The following EPG5 variants were observed in gnomAD, a reference collection of about 807,000 sequenced individuals.
The protein encoded by EPG5 is ectopic P-granules 5 autophagy tethering factor.
EPG5 carries 159 observed loss-of-function variants against 302.7 expected under a neutral mutation model. The ratio of observed to expected loss-of-function variants is 0.53; its 90% CI spans 0.46 to 0.60. The LOEUF (loss-of-function observed/expected upper bound fraction) is 0.60. Among genes scored for constraint, EPG5 ranks in the 20% least tolerant of loss-of-function variants. The pLI is 0.00. For missense variants in EPG5, 2,896 were observed against 3,092.4 expected, an observed-to-expected ratio of 0.94 and a Z score of 1.51; for synonymous variants, 1,158 against 1,136.8, an observed-to-expected ratio of 1.02 and a Z score of -0.37.
At chr18:45,838,017 T>C in the EPG5 span, 23 of 1,248,352 alleles carry the variant, frequency 1.8e-5, no homozygotes, top group Non-Finnish European at 2.2e-5. Context: ...GACCCAGCCC[T>C]CTCCTCTACC....
intron 43 of EPG5, chr18:45,855,367 A>T: frequency 2.0e-6 from 1 of 503,420 alleles, no homozygotes. Context: ...CTACAATGAC[A>T]GTAGCAGCGA....
Position 45,967,315 on chromosome 18 carries a change from T to C in EPG5, c.-76A>G. ...TCAAGCAACCTGCCCGGTTCTGGCC[T>C]CCGGACTGTCACATGATCGAATCTC... On this transcript the variant is annotated 5_prime_UTR_variant, in exon 1 of 44. Transcript: ENST00000282041. 1.5e-6 allele frequency: 2 copies of C among 1,374,404 alleles called. No individual in the cohort carries two copies. Among genetic ancestry groups the C allele is most frequent in the Non-Finnish European group, 1.9e-6 (2 of 1,029,022 alleles). 85.1% of individuals were successfully genotyped at this position (1,374,404 alleles called of 1,614,324 possible). A position where few individuals can be genotyped will look rare whatever the true frequency, so the allele number is the denominator to read the frequency against.
downstream of EPG5, among the ~76,000 whole-genome samples, chr18:45,845,225 G>C (rs1161597343): frequency 6.6e-6 from 1 of 152,198 alleles, no homozygotes; most frequent in African/African-American, 2.4e-5. Flanking sequence ...CTTGCATTTT[G>C]AAGAGGGCTT....
chr18:45,811,888 T>G, the EPG5 span, among the ~76,000 whole-genome samples: 26 of 147,478 alleles, frequency 1.8e-4, no homozygotes, highest in African/African-American at 2.8e-4. Flanking sequence ...ACCACTCCTA[T>G]TCAACATAGT....
At position 45,882,360 on chromosome 18, in the gene EPG5, A is replaced by C. The variant is rs759019063; in HGVS notation, c.5432T>G (p.Phe1811Cys). ...LEPDEDILMP[F>C]NLFCKHWTYL... ...AGTCCAGTGCTTACAGAAAAGATTA[A>C]ATGGCATCAAAATATCCTCATCTGG... Residue 1811 changes from phenylalanine (F) to cysteine (C), a missense_variant, in exon 31 of 44, where the codon TTT (phenylalanine) becomes TGT (cysteine). By Grantham distance (205) the Phe-to-Cys change is radical. Transcript: ENST00000282041. 36 of 1,614,092 alleles carry C rather than the reference A, an allele frequency of 2.2e-5. No individual in the cohort carries two copies. The highest frequency in any genetic ancestry group is 3.1e-5 in the Non-Finnish European group (36 of 1,180,042).
At chr18:45,952,287 G>T in intron 3 of EPG5, 113 bp downstream of exon 3, 1 of 1,316,758 alleles carries the variant, frequency 7.6e-7, no homozygotes, top group Non-Finnish European at 1.0e-6. Flanking sequence ...AAAACTGCAA[G>T]CACAAATGGT....
Position 45,923,383 on chromosome 18 carries a change from G to A in EPG5, c.2723C>T (p.Thr908Ile), listed in dbSNP as rs2145765529. 1.9e-6 allele frequency: 3 copies of A among 1,610,138 alleles called. No individual in the cohort carries two copies. The highest frequency in any genetic ancestry group is 2.2e-5 in the South Asian group (2 of 90,522). Residue 908 changes from threonine (T) to isoleucine (I), a missense_variant, in exon 15 of 44, where the codon ACC (threonine) becomes ATC (isoleucine). This residue lies in a region of EPG5 where 1,390 missense variants were observed against 1,430.0 expected (regional missense o/e 0.97). Transcript: ENST00000282041. Reference protein sequence around the residue: ...GLNWGFAKQATLHLDQAVHAE... With the variant: ...GLNWGFAKQAILHLDQAVHAE... ...ATGGACTGCTTGATCCAGATGAAGGGTAGCCTTTTAAAGAGAAAAATAATC... is the reference window on the plus strand; with the variant it reads ...ATGGACTGCTTGATCCAGATGAAGGATAGCCTTTTAAAGAGAAAAATAATC...
the EPG5 span, chr18:45,842,388 A>C: frequency 1.7e-6 from 1 of 591,138 alleles, no homozygotes; most frequent in East Asian, 2.8e-5. Flanking sequence ...GAGCTCCCTG[A>C]TATTTTTGCC....
chr18:45,844,978 A>G (rs947870061), downstream of EPG5, among the ~76,000 whole-genome samples: 1 of 152,216 alleles, frequency 6.6e-6, no homozygotes, highest in Non-Finnish European at 1.5e-5. Flanking sequence ...CACATTTGAG[A>G]TCATTAACAT....
intron 29 of EPG5, among the ~76,000 whole-genome samples, chr18:45,885,155 G>A (rs1303526512): frequency 3.3e-5 from 5 of 151,962 alleles, no homozygotes; most frequent in African/African-American, 9.7e-5. Flanking sequence ...CCTGGCCAAC[G>A]TGGTGAAACC....
chr18:45,837,886 G>T, the EPG5 span: 1 of 1,523,212 alleles, frequency 6.6e-7, no homozygotes, highest in South Asian at 1.2e-5. Context: ...GCGTCCGGCT[G>T]CACGTGACAG....
At chr18:45,826,976 G>A in the EPG5 span, among the ~76,000 whole-genome samples, 9 of 152,276 alleles carry the variant, frequency 5.9e-5, no homozygotes, top group Middle Eastern at 3.4e-3. Flanking sequence ...GTGCAGTGGC[G>A]CAATCTCAGC....
At chr18:45,925,923 A>T in intron 13 of EPG5, 21 bp from the exon 14 acceptor site, 1 of 1,304,938 alleles carries the variant, frequency 7.7e-7, no homozygotes, top group South Asian at 2.5e-5. Context: ...AGAAAACAAT[A>T]ATCATTAAAT....
chr18:45,961,560 C>G (rs2051150103), intron 1 of EPG5, among the ~76,000 whole-genome samples: 1 of 152,144 alleles, frequency 6.6e-6, no homozygotes, highest in Non-Finnish European at 1.5e-5. Flanking sequence ...TAAATGTCAC[C>G]CTCAATAAGA....
At chr18:45,925,714 C>G (rs546010457) in intron 14 of EPG5, 24 bp downstream of exon 14, 2 of 1,441,040 alleles carry the variant, frequency 1.4e-6, no homozygotes, top group Admixed American at 5.5e-5. Context: ...CCTCCAGTCT[C>G]CAGGGAATGG....
chr18:45,951,023 A>C, intron 4 of EPG5, 79 bp downstream of exon 4: 1 of 1,192,452 alleles, frequency 8.4e-7, no homozygotes, highest in Non-Finnish European at 1.1e-6. Flanking sequence ...TGAAGACCAA[A>C]TGTAATGATA....
At chr18:45,903,949 G>A in intron 25 of EPG5, 24 bp downstream of exon 25, 1 of 1,583,590 alleles carries the variant, frequency 6.3e-7, no homozygotes, top group Non-Finnish European at 8.5e-7. Flanking sequence ...CTCATTCGAA[G>A]GGGCAGGTGC....
At chr18:45,825,910 C>T in the EPG5 span, 1 of 1,090,368 alleles carries the variant, frequency 9.2e-7, no homozygotes, top group Non-Finnish European at 1.4e-6. Context: ...GGAGGAAGAG[C>T]TGCGCTTGGG....
chr18:45,837,369 G>A, the EPG5 span: 2 of 1,271,666 alleles, frequency 1.6e-6, no homozygotes, highest in African/African-American at 1.6e-5. Context: ...CGGCTCCCCT[G>A]GAAGTGGGGG....
Sources: gnomAD v4.1 joint callset for allele counts (sites outside exome capture counted in the v4.1 genomes callset) on GRCh38, gnomAD v4.1.1 for gene constraint, gnomAD v4.1.1 regional missense constraint, MANE v1.5 for transcripts, NCBI Gene and HGNC (gene_info 2026-07-23, HGNC 2026-07-21) for gene names.